FHIT: variants seen among roughly 807,000 people sequenced by gnomAD.
The protein encoded by FHIT is bis(5'-adenosyl)-triphosphatase.
A neutral mutation model predicts 17.9 loss-of-function variants in FHIT; 19 were observed. That is an observed-to-expected ratio of 1.06 (90% CI 0.74 to 1.56). The LOEUF is 1.56. Ranked by LOEUF, FHIT falls within the 40% of genes most tolerant of loss-of-function variation. FHIT has a pLI of 0.00. For synonymous variants in FHIT, 81 were observed against 69.7 expected (o/e 1.16, Z -0.81); for missense variants, 248 against 189.2 (o/e 1.31, Z -1.82).
At chr3:59,903,628 G>T (rs905356881) in intron 8 of FHIT, among the ~76,000 whole-genome samples, 1 of 152,148 alleles carries the variant, frequency 6.6e-6, no homozygotes, top group Non-Finnish European at 1.5e-5. Context: ...GTGTGGTGAG[G>T]TCTAGAAGAG....
At chr3:60,001,637 G>C (rs1485307237) in intron 7 of FHIT, among the ~76,000 whole-genome samples, 1 of 152,082 alleles carries the variant, frequency 6.6e-6, no homozygotes, top group Non-Finnish European at 1.5e-5. Flanking sequence ...ATGCTACAGG[G>C]GTGATTAACT....
intron 5 of FHIT, among the ~76,000 whole-genome samples, chr3:60,262,720 G>A (rs1482382911): frequency 6.6e-6 from 1 of 151,776 alleles, no homozygotes; most frequent in Admixed American, 6.6e-5. Context: ...TTCCTGTTCA[G>A]CTAACTGACT....
intron 5 of FHIT, among the ~76,000 whole-genome samples, chr3:60,275,751 A>G (rs1206973032): frequency 1.3e-5 from 2 of 152,200 alleles, no homozygotes; most frequent in Non-Finnish European, 2.9e-5. Context: ...AAGTTCTTAT[A>G]AAGGAGAGTC....
intron 7 of FHIT, among the ~76,000 whole-genome samples, chr3:59,981,443 T>C (rs1708650571): frequency 6.6e-6 from 1 of 152,160 alleles, no homozygotes; most frequent in Admixed American, 6.5e-5. Flanking sequence ...CAAATTCTAT[T>C]GCTGCCCTTG....
chr3:60,726,786 G>C (rs1487457836), intron 4 of FHIT, among the ~76,000 whole-genome samples: 1 of 152,132 alleles, frequency 6.6e-6, no homozygotes, highest in Non-Finnish European at 1.5e-5. Context: ...AAGAGGAAAA[G>C]GATGTGTAAA....
intron 2 of FHIT, among the ~76,000 whole-genome samples, chr3:61,154,376 G>T (rs1489605321): frequency 6.6e-6 from 1 of 151,958 alleles, no homozygotes; most frequent in Admixed American, 6.5e-5. Flanking sequence ...GTAGAAGGAA[G>T]AACCTGCAGA....
chr3:60,593,128 TTTCA>T (rs782093744), intron 4 of FHIT, among the ~76,000 whole-genome samples: 19 of 152,106 alleles, frequency 1.2e-4, no homozygotes, highest in Non-Finnish European at 1.9e-4. Context: ...GAGCCCACAC[TTTCA>T]TTTTGACTAG....
intron 5 of FHIT, among the ~76,000 whole-genome samples, chr3:60,444,661 C>T (rs1297671689): frequency 1.3e-5 from 2 of 151,880 alleles, no homozygotes; most frequent in African/African-American, 2.4e-5. Context: ...CACCTGGACA[C>T]AGGAAAGGGA....
intron 2 of FHIT, among the ~76,000 whole-genome samples, chr3:61,055,267 T>C (rs1045210034): frequency 2.0e-5 from 3 of 152,120 alleles, no homozygotes; most frequent in African/African-American, 7.2e-5. Flanking sequence ...AAACACTATC[T>C]CTGTCTGTCT....
intron 4 of FHIT, among the ~76,000 whole-genome samples, chr3:60,749,446 T>C (rs1488840476): frequency 2.0e-5 from 3 of 152,068 alleles, no homozygotes; most frequent in African/African-American, 4.8e-5. Context: ...CACTGATGTC[T>C]GGGATGGAGG....
intron 8 of FHIT, among the ~76,000 whole-genome samples, chr3:59,769,423 G>T (rs1047974410): frequency 8.5e-5 from 13 of 152,194 alleles, no homozygotes; most frequent in Admixed American, 4.6e-4. Context: ...TTGGCTGGAC[G>T]CCTGCTAGTC....
chr3:60,671,465 A>C (rs2040502560), intron 4 of FHIT, among the ~76,000 whole-genome samples: 1 of 152,160 alleles, frequency 6.6e-6, no homozygotes, highest in Non-Finnish European at 1.5e-5. Context: ...GTACAAATGT[A>C]ATATAATAAA....
intron 8 of FHIT, among the ~76,000 whole-genome samples, chr3:59,897,340 C>T (rs1704116003): frequency 6.6e-6 from 1 of 152,202 alleles, no homozygotes; most frequent in Non-Finnish European, 1.5e-5. Context: ...TCCTGCTCGT[C>T]CTTCAAGACC....
At chr3:60,563,549 C>A (rs1335536494) in intron 4 of FHIT, among the ~76,000 whole-genome samples, 4 of 152,182 alleles carry the variant, frequency 2.6e-5, no homozygotes, top group Non-Finnish European at 5.9e-5. Context: ...AACAGCCACG[C>A]TGTGAATGCA....
At chr3:60,944,017 C>G (rs1339064794) in intron 3 of FHIT, among the ~76,000 whole-genome samples, 1 of 152,136 alleles carries the variant, frequency 6.6e-6, no homozygotes, top group Non-Finnish European at 1.5e-5. Flanking sequence ...CTTTCTTCTT[C>G]CCTATCCCAG....
intron 3 of FHIT, among the ~76,000 whole-genome samples, chr3:60,829,784 TC>T (rs1702255669): frequency 6.7e-6 from 1 of 150,364 alleles, no homozygotes; most frequent in African/African-American, 2.4e-5. Flanking sequence ...AGAATATGCC[TC>T]CCCACAACAT....
At chr3:59,815,787 G>A (rs1261391308) in intron 8 of FHIT, among the ~76,000 whole-genome samples, 1 of 152,106 alleles carries the variant, frequency 6.6e-6, no homozygotes, top group Non-Finnish European at 1.5e-5. Flanking sequence ...CGGGTACAGT[G>A]TACACTACTT....
intron 4 of FHIT, among the ~76,000 whole-genome samples, chr3:60,606,600 A>G (rs879969354): frequency 6.6e-6 from 1 of 152,074 alleles, no homozygotes; most frequent in African/African-American, 2.4e-5. Flanking sequence ...CACCATTAGG[A>G]TAGTGAATTG....
intron 7 of FHIT, among the ~76,000 whole-genome samples, chr3:59,929,860 CTTT>C (rs3047601): frequency 2.7e-4 from 39 of 143,678 alleles, no homozygotes; most frequent in South Asian, 4.5e-4. Context: ...ATGATACACG[CTTT>C]TTTTTTTTTT....
Sources: allele counts gnomAD v4.1 joint callset (sites outside exome capture counted in the v4.1 genomes callset), GRCh38; gene constraint gnomAD v4.1.1; transcripts MANE v1.5; gene names NCBI Gene and HGNC (gene_info 2026-07-23, HGNC 2026-07-21).